SLC4A7: variants seen among roughly 807,000 people sequenced by gnomAD.
SLC4A7 encodes the protein sodium bicarbonate cotransporter 3.
In SLC4A7, 51 loss-of-function variants were observed where a neutral mutation model predicts 137.6. That is an observed-to-expected ratio of 0.37 (90% CI 0.30 to 0.47). The LOEUF is 0.47. Ranked by LOEUF, SLC4A7 falls within the 20% of genes least tolerant of loss-of-function variation. The pLI, the probability that SLC4A7 is intolerant of heterozygous loss-of-function variation, is 1.00. For missense variants in SLC4A7, 1,247 were observed against 1,525.4 expected (o/e 0.82, Z 3.04); for synonymous variants, 542 against 518.6 (o/e 1.05, Z -0.61).
intron 25 of SLC4A7, 38 bp from the exon 26 acceptor site, chr3:27,376,883 A>C (rs1430169242): frequency 6.7e-6 from 7 of 1,046,536 alleles, no homozygotes; most frequent in Non-Finnish European, 9.4e-6. Flanking sequence ...TAATTTTAAA[A>C]TATAAATATT....
rs762501494 is a variant in SLC4A7, at chr3:27,448,715, A to T, written c.225T>A (p.His75Gln). Residue 75 changes from histidine (H) to glutamine (Q), a missense_variant, in exon 3 of 26, where the codon CAT becomes CAA. Physicochemically the swap from His to Gln is conservative, Grantham distance 24. Coordinates refer to ENST00000454389, the MANE Select transcript of SLC4A7 (RefSeq NM_001321103.2). ...CTTTATCTTTTCTTCTCCGGTGGTGATGTTTGTGTCCGCGATGCCTATGAC... is the reference window on the plus strand; with the variant it reads ...CTTTATCTTTTCTTCTCCGGTGGTGTTGTTTGTGTCCGCGATGCCTATGAC... ...RRRHRHRGHK[H>Q]HHRRRKDKES... 2 of 1,612,972 alleles carry T rather than the reference A, an allele frequency of 1.2e-6. No homozygotes were observed. Among genetic ancestry groups the T allele is most frequent in the Non-Finnish European group, 1.7e-6 (2 of 1,179,304 alleles).
At chr3:27,449,168 G>A (rs1012621135) in intron 2 of SLC4A7, among the ~76,000 whole-genome samples, 2 of 151,708 alleles carry the variant, frequency 1.3e-5, no homozygotes, top group Non-Finnish European at 2.9e-5. Context: ...CCAAAGTGCT[G>A]GGATTACAGG....
intron 20 of SLC4A7, 42 bp from the exon 21 acceptor site, chr3:27,391,850 G>A (rs778589526): frequency 3.4e-6 from 4 of 1,193,014 alleles, no homozygotes; most frequent in Non-Finnish European, 4.8e-6. Context: ...TGAGTAGTAA[G>A]TAAACAAAAA....
chr3:27,381,927 G>A (rs765222198), intron 24 of SLC4A7, among the ~76,000 whole-genome samples: 14 of 152,182 alleles, frequency 9.2e-5, no homozygotes, highest in South Asian at 4.1e-4. Flanking sequence ...CATCTCTACT[G>A]AAAGTACAGA....
At chr3:27,450,402 G>C (rs1010473833) in intron 2 of SLC4A7, among the ~76,000 whole-genome samples, 2 of 152,056 alleles carry the variant, frequency 1.3e-5, no homozygotes, top group African/African-American at 2.4e-5. Context: ...ATTTAAAAAA[G>C]TGTGTAATTT....
At chr3:27,381,069 T>C (rs968471307) in intron 24 of SLC4A7, among the ~76,000 whole-genome samples, 1 of 152,216 alleles carries the variant, frequency 6.6e-6, no homozygotes, top group African/African-American at 2.4e-5. Context: ...TCCACACAAA[T>C]AATCCAAAGC....
At chr3:27,479,195 G>T (rs567313173) in intron 1 of SLC4A7, among the ~76,000 whole-genome samples, 1 of 152,080 alleles carries the variant, frequency 6.6e-6, no homozygotes, top group African/African-American at 2.4e-5. Context: ...AGGGTGGATC[G>T]CTTGAGCCAA....
At chr3:27,461,318 GA>G (rs2058683689) in intron 1 of SLC4A7, among the ~76,000 whole-genome samples, 1 of 151,754 alleles carries the variant, frequency 6.6e-6, no homozygotes, top group Non-Finnish European at 1.5e-5. Flanking sequence ...AGAATTGCTT[GA>G]ACCCAGAAGG....
At chr3:27,393,135 A>G (rs1422548914) in intron 20 of SLC4A7, among the ~76,000 whole-genome samples, 1 of 152,180 alleles carries the variant, frequency 6.6e-6, no homozygotes, top group Non-Finnish European at 1.5e-5. Context: ...CAGAAGGCAC[A>G]GGTTTCTCGA....
intron 1 of SLC4A7, among the ~76,000 whole-genome samples, chr3:27,452,846 A>C (rs1478602202): frequency 6.6e-6 from 1 of 152,206 alleles, no homozygotes; most frequent in African/African-American, 2.4e-5. Flanking sequence ...TTAGATGTCA[A>C]CATGTAATGC....
At chr3:27,444,279 T>C (rs935017248) in intron 3 of SLC4A7, among the ~76,000 whole-genome samples, 1 of 152,210 alleles carries the variant, frequency 6.6e-6, no homozygotes, top group Non-Finnish European at 1.5e-5. Flanking sequence ...GCAATCTGAT[T>C]CTTATGAGCC....
Position 27,437,376 on chromosome 3 carries a change from T to A in SLC4A7, c.428+12A>T. ...CAAAAAAAAAAAAGAGAGAGAGACT[T>A]AGCAGTATTACCTAGCAGTTTCTTT... On this transcript the variant is annotated intron_variant, in intron 4 of 25. Coordinates refer to ENST00000454389, the MANE Select transcript of SLC4A7 (RefSeq NM_001321103.2). The A allele has an allele frequency of 1.3e-6, 2 of 1,539,492 alleles. No homozygotes were observed. Among genetic ancestry groups the A allele is most frequent in the Non-Finnish European group, 1.7e-6 (2 of 1,147,096 alleles).
chr3:27,482,534 G>A (rs918715354), intron 1 of SLC4A7, among the ~76,000 whole-genome samples: 2 of 152,194 alleles, frequency 1.3e-5, no homozygotes, highest in African/African-American at 4.8e-5. Flanking sequence ...ACTTTGGGAG[G>A]CCGAGGCGGG....
In SLC4A7 at chr3:27,376,668, A is replaced by G. The variant is rs555675449; in HGVS notation, c.*96T>C. ...TTTTAAAAACCCGGTAGTCACACATAAACAGCATGACATACAATATTCTTA... is the reference window on the plus strand; with the variant it reads ...TTTTAAAAACCCGGTAGTCACACATGAACAGCATGACATACAATATTCTTA... On this transcript the variant is annotated 3_prime_UTR_variant, in exon 26 of 26. Coordinates refer to ENST00000454389, the MANE Select transcript of SLC4A7 (RefSeq NM_001321103.2). 4.0e-6 allele frequency: 3 copies of G among 749,400 alleles called. No individual in the cohort carries two copies. The highest frequency in any genetic ancestry group is 3.8e-5 in the South Asian group (2 of 52,424). 46.4% of individuals were successfully genotyped at this position (749,400 alleles called of 1,614,324 possible).
intron 11 of SLC4A7, among the ~76,000 whole-genome samples, chr3:27,417,792 A>T (rs1344654600): frequency 6.6e-6 from 1 of 152,138 alleles, no homozygotes; most frequent in Non-Finnish European, 1.5e-5. Context: ...AATACTTAAA[A>T]TAGGAAGATA....
In SLC4A7 at chr3:27,456,513, C is replaced by G. The variant is rs2058418994; in HGVS notation, c.61-4015G>C. 1.7e-5 allele frequency: 11 copies of G among 647,052 alleles called. No individual in the cohort carries two copies. In the East Asian group the frequency reaches 3.1e-4, roughly 18 times the overall value. The allele number at this position is 647,052 out of a possible 1,614,324, so 40.1% of individuals were successfully genotyped here. On this transcript the variant is annotated intron_variant, in intron 1 of 25. Coordinates refer to ENST00000454389, the MANE Select transcript of SLC4A7 (RefSeq NM_001321103.2). ...CAAGGAATTACTCTTCAACAGATGACTTCCACAGCCAAGGACACAAAGGAT... is the reference window on the plus strand; with the variant it reads ...CAAGGAATTACTCTTCAACAGATGAGTTCCACAGCCAAGGACACAAAGGAT...
intron 11 of SLC4A7, among the ~76,000 whole-genome samples, chr3:27,417,622 T>A (rs749503387): frequency 6.6e-6 from 1 of 151,988 alleles, no homozygotes; most frequent in Non-Finnish European, 1.5e-5. Flanking sequence ...GGGCTGGTAG[T>A]GCACACCTGT....
intron 1 of SLC4A7, among the ~76,000 whole-genome samples, chr3:27,456,175 A>T (rs962949871): frequency 2.0e-5 from 3 of 152,194 alleles, no homozygotes; most frequent in Non-Finnish European, 4.4e-5. Flanking sequence ...TATCCTTTTG[A>T]CACCCTAAGG....
intron 13 of SLC4A7, among the ~76,000 whole-genome samples, chr3:27,406,182 C>T (rs2053332707): frequency 6.6e-6 from 1 of 152,168 alleles, no homozygotes; most frequent in East Asian, 1.9e-4. Flanking sequence ...AGGTGTTCAG[C>T]CATGGCCATA....
Sources: gnomAD v4.1 joint callset for allele counts (sites outside exome capture counted in the v4.1 genomes callset) on GRCh38, gnomAD v4.1.1 for gene constraint, MANE v1.5 for transcripts, NCBI Gene and HGNC (gene_info 2026-07-23, HGNC 2026-07-21) for gene names.